The following PSMB7 variants were observed in gnomAD, a reference collection of about 807,000 sequenced individuals.
PSMB7 encodes the protein proteasome 20S subunit beta 7, also known as proteasome subunit beta type-7.
Under a neutral mutation model 28.1 loss-of-function variants are expected in PSMB7, and 5 were observed. The observed-to-expected ratio is 0.18, with a 90% CI of 0.09 to 0.37. PSMB7 has a LOEUF of 0.37. PSMB7 is among the 10% of genes least tolerant of loss of function. The probability of loss-of-function intolerance (pLI) is 1.00; values close to 1 mark genes in which losing one functional copy is unlikely to be tolerated. For synonymous variants in PSMB7, 122 were observed against 123.7 expected (o/e 0.99, Z 0.09); for missense variants, 275 against 346.2 (o/e 0.79, Z 1.63).
chr9:124,406,264 A>T (rs989138348), intron 4 of PSMB7, among the ~76,000 whole-genome samples: 4 of 152,078 alleles, frequency 2.6e-5, no homozygotes, highest in African/African-American at 9.7e-5. Flanking sequence ...GCACTTTAGG[A>T]GGCTGAGGTG....
rs1476171568 is a variant in PSMB7 at position 124,410,464 on chromosome 9, AG to A, written c.395+1887del. On this transcript the variant is annotated intron_variant, in intron 4 of 7. Coordinates refer to ENST00000259457, the MANE Select transcript of PSMB7 (RefSeq NM_002799.4). ...ACATAGACACATCGTGTAGAAAAAA[AG>A]TTTTCAAAAAAGCCTTATATATAAT... Among the ~76,000 whole-genome samples, 4 of 152,308 alleles carry A rather than the reference AG, an allele frequency of 2.6e-5. No homozygotes were observed. In the East Asian group the frequency reaches 5.8e-4, roughly 22 times the overall value.
At chr9:124,380,032 A>G (rs1243126567) in intron 6 of PSMB7, among the ~76,000 whole-genome samples, 1 of 152,234 alleles carries the variant, frequency 6.6e-6, no homozygotes, top group Non-Finnish European at 1.5e-5. Flanking sequence ...GAAAACAGCC[A>G]GAAAACAACA....
intron 6 of PSMB7, among the ~76,000 whole-genome samples, chr9:124,373,739 G>C (rs1830584154): frequency 6.6e-6 from 1 of 152,188 alleles, no homozygotes; most frequent in African/African-American, 2.4e-5. Context: ...GACAATCAAG[G>C]ATAGAGGATA....
At chr9:124,373,687 C>T (rs1029376805) in intron 6 of PSMB7, among the ~76,000 whole-genome samples, 1 of 152,152 alleles carries the variant, frequency 6.6e-6, no homozygotes, top group Non-Finnish European at 1.5e-5. Context: ...GTCACACACA[C>T]CCACCAGGAT....
intron 5 of PSMB7, among the ~76,000 whole-genome samples, chr9:124,384,964 T>C (rs1158757019): frequency 6.6e-6 from 1 of 152,266 alleles, no homozygotes; most frequent in Non-Finnish European, 1.5e-5. Context: ...ATTTGGATTT[T>C]GTTCAAACAG....
chr9:124,354,478 G>A (rs1390800303), intron 7 of PSMB7, among the ~76,000 whole-genome samples: 1 of 152,170 alleles, frequency 6.6e-6, no homozygotes, highest in East Asian at 1.9e-4. Flanking sequence ...TGTCCTTCAG[G>A]AACTGCCAGA....
intron 6 of PSMB7, among the ~76,000 whole-genome samples, chr9:124,370,393 T>C (rs948791402): frequency 1.3e-5 from 2 of 151,702 alleles, no homozygotes; most frequent in Non-Finnish European, 2.9e-5. Flanking sequence ...AAGGTAGTAA[T>C]GGCTTTGAAA....
rs1016628538 is a variant in PSMB7 at position 124,367,844 on chromosome 9, C to T, written c.571-10929G>A. Among the ~76,000 whole-genome samples, 4 of 152,190 alleles carry T rather than the reference C, an allele frequency of 2.6e-5. No homozygotes were observed. In the East Asian group the frequency reaches 5.8e-4, roughly 22 times the overall value. On this transcript the variant is annotated intron_variant, in intron 6 of 7. Transcript: ENST00000259457. ...ACAATGAATGCTAACTTCACCTGAT[C>T]CTACCCATCTCCAACACTCACAAAC... is the stretch of plus-strand genomic sequence containing the variant.
intron 5 of PSMB7, among the ~76,000 whole-genome samples, chr9:124,396,552 T>C (rs1830845383): frequency 6.6e-6 from 1 of 152,230 alleles, no homozygotes; most frequent in Non-Finnish European, 1.5e-5. Flanking sequence ...ATAACCAGTT[T>C]ATCTGGAGAG....
chr9:124,370,848 T>C lies in PSMB7; in HGVS notation c.570+13750A>G, dbSNP rs527804257. 1.4e-4 allele frequency among the ~76,000 whole-genome samples: 22 copies of C among 152,364 alleles called. No homozygotes were observed. In the South Asian group the frequency reaches 4.6e-3, roughly 32 times the overall value. On this transcript the variant is annotated intron_variant, in intron 6 of 7. Coordinates refer to ENST00000259457, the MANE Select transcript of PSMB7 (RefSeq NM_002799.4). ...ATATCATGCAAACCTACACAGGTAC[T>C]ACATTTAAATATTTGGCCCCAAATA... is the stretch of plus-strand genomic sequence containing the variant.
intron 4 of PSMB7, among the ~76,000 whole-genome samples, chr9:124,410,535 A>G (rs1588583858): frequency 6.6e-6 from 1 of 152,348 alleles, no homozygotes; most frequent in East Asian, 1.9e-4. Flanking sequence ...TAAAATTAAA[A>G]TCCACAAATC....
chr9:124,390,875 T>TATAC (rs1830776118), intron 5 of PSMB7, among the ~76,000 whole-genome samples: 1 of 152,198 alleles, frequency 6.6e-6, no homozygotes, highest in Non-Finnish European at 1.5e-5. Context: ...CTTACATTTG[T>TATAC]ATACAAGGGC....
At chr9:124,396,975 A>G (rs1378548784) in intron 5 of PSMB7, 2 of 361,176 alleles carry the variant, frequency 5.5e-6, no homozygotes, top group Non-Finnish European at 1.1e-5. Context: ...GCTTTTAACA[A>G]TCAAATGAAT....
In PSMB7 at chr9:124,414,016, A is replaced by G. The variant is rs763449247; in HGVS notation, c.157-11T>C. ...AAGAACTATGCCATCCTATTAAAAA[A>G]AAAAGTTTTTAAACAATTTTACAAA... On this transcript the variant is annotated splice_polypyrimidine_tract_variant and intron_variant, in intron 2 of 7. Transcript: ENST00000259457. 6.3e-7 allele frequency: 1 copy of G among 1,590,424 alleles called. No individual in the cohort carries two copies. The highest frequency in any genetic ancestry group is 8.6e-7 in the Non-Finnish European group (1 of 1,164,624).
At chr9:124,399,788 G>A (rs539730482) in intron 5 of PSMB7, among the ~76,000 whole-genome samples, 21 of 152,138 alleles carry the variant, frequency 1.4e-4, no homozygotes, top group Admixed American at 1.2e-3. Flanking sequence ...CATCCCTACC[G>A]CCACCACCAC....
intron 6 of PSMB7, among the ~76,000 whole-genome samples, chr9:124,366,237 A>G (rs988236672): frequency 6.6e-6 from 1 of 152,098 alleles, no homozygotes; most frequent in Non-Finnish European, 1.5e-5. Context: ...ACATGGTGAA[A>G]CCCCATCTCT....
At chr9:124,358,435 T>C (rs1400690068) in intron 6 of PSMB7, among the ~76,000 whole-genome samples, 1 of 152,240 alleles carries the variant, frequency 6.6e-6, no homozygotes, top group African/African-American at 2.4e-5. Flanking sequence ...AAGCCAATTC[T>C]TCTTTTGTAC....
intron 6 of PSMB7, among the ~76,000 whole-genome samples, chr9:124,372,001 T>C (rs1194412863): frequency 1.3e-5 from 2 of 152,240 alleles, no homozygotes; most frequent in Non-Finnish European, 2.9e-5. Context: ...GCAAAAACAT[T>C]GCTTTTTACA....
chr9:124,387,778 T>A (rs1830741326), intron 5 of PSMB7, among the ~76,000 whole-genome samples: 1 of 152,052 alleles, frequency 6.6e-6, no homozygotes, highest in African/African-American at 2.4e-5. Context: ...GTCTGCCATT[T>A]AGAAAACTGG....
Sources: allele counts gnomAD v4.1 joint callset (sites outside exome capture counted in the v4.1 genomes callset), GRCh38; gene constraint gnomAD v4.1.1; transcripts MANE v1.5; gene names NCBI Gene and HGNC (gene_info 2026-07-23, HGNC 2026-07-21).